Variants in KLHL32 observed in about 807,000 individuals in gnomAD.
KLHL32 encodes kelch-like protein 32.
In KLHL32, 35 loss-of-function variants were observed where a neutral mutation model predicts 64.8. The observed-to-expected ratio is 0.54, with a 90% confidence interval of 0.41 to 0.72. The LOEUF (loss-of-function observed/expected upper bound fraction) is 0.72, where lower values mean the gene tolerates loss of function less well. Ranked by LOEUF, KLHL32 falls within the 30% of genes least tolerant of loss-of-function variation. The pLI is 0.00. For synonymous variants in KLHL32, 259 were observed against 281.0 expected, an observed-to-expected ratio of 0.92 and a Z score of 0.78; for missense variants, 589 against 768.5, an observed-to-expected ratio of 0.77 and a Z score of 2.76.
At chr6:96,964,803 A>G (rs887497995) in intron 1 of KLHL32, among the ~76,000 whole-genome samples, 1 of 152,138 alleles carries the variant, frequency 6.6e-6, no homozygotes, top group African/African-American at 2.4e-5. Context: ...AATATAACAA[A>G]CCTTTTCCAG....
At chr6:97,104,507 A>G (rs1796143378) in intron 6 of KLHL32, among the ~76,000 whole-genome samples, 4 of 152,240 alleles carry the variant, frequency 2.6e-5, no homozygotes, top group African/African-American at 9.6e-5. Flanking sequence ...ATGTATTATT[A>G]TCATCTGTGA....
chr6:97,012,790 C>T (rs1780580734), intron 3 of KLHL32, among the ~76,000 whole-genome samples: 1 of 152,118 alleles, frequency 6.6e-6, no homozygotes, highest in African/African-American at 2.4e-5. Flanking sequence ...TGAGGGTTCT[C>T]ATATAAGAAG....
At chr6:97,070,563 G>C (rs2128161611) in intron 5 of KLHL32, among the ~76,000 whole-genome samples, 1 of 152,244 alleles carries the variant, frequency 6.6e-6, no homozygotes, top group African/African-American at 2.4e-5. Context: ...AGTCATTTCA[G>C]CATTTTAATC....
At chr6:97,042,706 C>G (rs1785313579) in intron 4 of KLHL32, among the ~76,000 whole-genome samples, 1 of 152,072 alleles carries the variant, frequency 6.6e-6, no homozygotes, top group Non-Finnish European at 1.5e-5. Flanking sequence ...ATTATAGTTA[C>G]CATTCTGTGA....
At chr6:96,969,283 C>G (rs529070597) in intron 2 of KLHL32, among the ~76,000 whole-genome samples, 4 of 152,162 alleles carry the variant, frequency 2.6e-5, no homozygotes, top group Non-Finnish European at 5.9e-5. Flanking sequence ...ACGCTATCAG[C>G]CATTTTACTC....
intron 3 of KLHL32, 89 bp from the exon 4 acceptor site, chr6:97,041,402 AC>A (rs1193120881): frequency 3.8e-6 from 3 of 781,784 alleles, no homozygotes; most frequent in Non-Finnish European, 6.6e-6. Flanking sequence ...AATTTGTAAA[AC>A]TTTTTTTTCC....
the KLHL32 span, among the ~76,000 whole-genome samples, chr6:96,907,848 T>A: frequency 6.6e-6 from 1 of 152,212 alleles, no homozygotes; most frequent in Non-Finnish European, 1.5e-5. Flanking sequence ...ACTCCACCCC[T>A]CAAATCAAAG....
chr6:96,911,110 G>T, the KLHL32 span, among the ~76,000 whole-genome samples: 1 of 152,064 alleles, frequency 6.6e-6, no homozygotes, highest in Non-Finnish European at 1.5e-5. Flanking sequence ...CCACAAACTG[G>T]GGGGTTTAAA....
intron 3 of KLHL32, among the ~76,000 whole-genome samples, chr6:97,015,784 G>A (rs1781085286): frequency 1.3e-5 from 2 of 152,320 alleles, no homozygotes; most frequent in East Asian, 3.9e-4. Context: ...CTTGGTGGCA[G>A]CCCCTCCCAT....
intron 7 of KLHL32, among the ~76,000 whole-genome samples, chr6:97,126,695 T>C (rs1333882182): frequency 6.6e-6 from 1 of 152,176 alleles, no homozygotes; most frequent in East Asian, 1.9e-4. Flanking sequence ...GTGTCAAATA[T>C]ACACTGGCTT....
At chr6:97,105,786 T>G (rs1057502112) in intron 6 of KLHL32, among the ~76,000 whole-genome samples, 8 of 152,224 alleles carry the variant, frequency 5.3e-5, no homozygotes, top group African/African-American at 1.9e-4. Flanking sequence ...TACTTGTTAC[T>G]TTTAGACAAT....
intron 1 of KLHL32, among the ~76,000 whole-genome samples, chr6:96,953,732 A>T: frequency 6.6e-6 from 1 of 152,114 alleles, no homozygotes; most frequent in Admixed American, 6.5e-5. Flanking sequence ...AGTTACACTG[A>T]TACTTTGGTT....
intron 1 of KLHL32, among the ~76,000 whole-genome samples, chr6:96,938,651 A>G (rs1770910652): frequency 6.6e-6 from 1 of 152,142 alleles, no homozygotes; most frequent in African/African-American, 2.4e-5. Flanking sequence ...CAGCAGCAGC[A>G]GGGGATACAT....
chr6:96,971,922 G>T (rs939912273), intron 2 of KLHL32, among the ~76,000 whole-genome samples: 2 of 151,988 alleles, frequency 1.3e-5, no homozygotes, highest in Admixed American at 6.6e-5. Context: ...GCGTGATCTC[G>T]GCTCACTGCA....
chr6:96,932,510 G>A (rs1052373099), intron 1 of KLHL32, among the ~76,000 whole-genome samples: 2 of 148,688 alleles, frequency 1.3e-5, no homozygotes, highest in Non-Finnish European at 3.0e-5. Context: ...CATTTGTAGG[G>A]TTTTCTGATG....
chr6:96,949,386 G>C (rs1340258414), intron 1 of KLHL32, among the ~76,000 whole-genome samples: 1 of 152,026 alleles, frequency 6.6e-6, no homozygotes, highest in Non-Finnish European at 1.5e-5. Flanking sequence ...GTTCACACTT[G>C]TTATCATTGT....
intron 7 of KLHL32, among the ~76,000 whole-genome samples, chr6:97,117,056 C>A (rs1433726310): frequency 6.6e-6 from 1 of 152,150 alleles, no homozygotes; most frequent in Non-Finnish European, 1.5e-5. Context: ...ATTTCTAATA[C>A]CTTCAGTCAT....
rs541096197 is a variant in KLHL32, at chr6:97,077,393, AT to A, written c.412-7722del. On this transcript the variant is annotated intron_variant, in intron 5 of 10. Transcript: ENST00000369261. ...ATGTGAATTCATTTGATAATGTCTG[AT>A]TTTTTTTTTTGGCAAACAGTTTGCA... Among the ~76,000 whole-genome samples, 1,477 of 147,896 alleles carry A rather than the reference AT, an allele frequency of 1.0e-2. 18 individuals carry two copies. Among genetic ancestry groups the A allele is most frequent in the African/African-American group, 0.033 (1,325 of 40,590 alleles).
intron 4 of KLHL32, among the ~76,000 whole-genome samples, chr6:97,063,017 T>A (rs1438489366): frequency 6.6e-6 from 1 of 152,216 alleles, no homozygotes; most frequent in Admixed American, 6.5e-5. Context: ...TTTTAGGTTA[T>A]AGTGGAGACT....
Sources: allele counts gnomAD v4.1 joint callset (sites outside exome capture counted in the v4.1 genomes callset), GRCh38; gene constraint gnomAD v4.1.1; transcripts MANE v1.5; gene names NCBI Gene and HGNC (gene_info 2026-07-23, HGNC 2026-07-21).